UTP20: variants seen among roughly 807,000 people sequenced by gnomAD.
UTP20 encodes the protein UTP20 small subunit processome component.
UTP20 carries 164 observed loss-of-function variants against 329.5 expected under a neutral mutation model. The ratio of observed to expected loss-of-function variants is 0.50; its 90% CI spans 0.44 to 0.57. UTP20 has a LOEUF of 0.57. Ranked by LOEUF, UTP20 falls within the 20% of genes least tolerant of loss-of-function variation. The pLI is 0.00. For missense variants in UTP20, 3,055 were observed against 3,284.2 expected (o/e 0.93, Z 1.71); for synonymous variants, 1,151 against 1,159.3 (o/e 0.99, Z 0.14).
At chr12:101,308,435 A>T in intron 18 of UTP20, 92 bp downstream of exon 18, 1 of 654,866 alleles carries the variant, frequency 1.5e-6, no homozygotes. Flanking sequence ...AATAATAATA[A>T]TAATAATAAT....
chr12:101,318,251 A>G (rs1873040537), intron 22 of UTP20, among the ~76,000 whole-genome samples: 1 of 152,214 alleles, frequency 6.6e-6, no homozygotes, highest in African/African-American at 2.4e-5. Context: ...TTTAGAAGTT[A>G]CTTCAGCTTA....
At position 101,334,410 on chromosome 12, in the gene UTP20, T is replaced by C. The variant is rs1447593068; in HGVS notation, c.3562-15T>C. 15 of 1,607,792 alleles carry C rather than the reference T, an allele frequency of 9.3e-6. No homozygotes were observed. Among genetic ancestry groups the C allele is most frequent in the South Asian group, 6.6e-5 (6 of 90,448 alleles). ...TATATGTATTTGGTATTCTGTTTTTTACTTTGTCTCCTAGATCAGCAGGCT... is the reference window on the plus strand; with the variant it reads ...TATATGTATTTGGTATTCTGTTTTTCACTTTGTCTCCTAGATCAGCAGGCT... On this transcript the variant is annotated splice_polypyrimidine_tract_variant and intron_variant, in intron 28 of 61. Coordinates refer to ENST00000261637, the MANE Select transcript of UTP20 (RefSeq NM_014503.3).
At chr12:101,372,278 C>T (rs1870320590) in intron 51 of UTP20, among the ~76,000 whole-genome samples, 1 of 152,196 alleles carries the variant, frequency 6.6e-6, no homozygotes, top group Admixed American at 6.5e-5. Flanking sequence ...TTTGAAAGTG[C>T]AGCCTTTGGA....
Position 101,354,992 on chromosome 12 carries a change from G to A in UTP20, c.5268G>A (p.Glu1756=). The A allele has an allele frequency of 6.2e-7, 1 of 1,614,192 alleles. No homozygotes were observed. The highest frequency in any genetic ancestry group is 2.2e-5 in the East Asian group (1 of 44,882). The part of the protein sequence containing the change: ...DSGGTSAKES[E]CITKPVSFLP... ...GAGGAACATCAGCTAAAGAATCCGA[G>A]TGTATCACAAAGCCTGTCTCTTTCC... is the stretch of plus-strand genomic sequence containing the variant. The change falls in exon 41 of 62, where the codon GAG becomes GAA. Residue 1756 remains glutamate (E), a synonymous_variant. Coordinates refer to ENST00000261637, the MANE Select transcript of UTP20 (RefSeq NM_014503.3).
Position 101,280,153 on chromosome 12 carries a change from C to A in UTP20, c.-130C>A. ...ACATGGCGGCGCCCAGGGGCTCAAG[C>A]CGCACGTGAGAAAGTCTGGGCATCT... On this transcript the variant is annotated 5_prime_UTR_variant, in exon 1 of 62. Coordinates refer to ENST00000261637, the MANE Select transcript of UTP20 (RefSeq NM_014503.3). 3 of 1,235,946 alleles carry A rather than the reference C, an allele frequency of 2.4e-6. No individual in the cohort carries two copies. The highest frequency in any genetic ancestry group is 1.5e-5 in the South Asian group (1 of 66,738). 76.6% of individuals were successfully genotyped at this position (1,235,946 alleles called of 1,614,324 possible). A position where few individuals can be genotyped will look rare whatever the true frequency, so the allele number is the denominator to read the frequency against.
chr12:101,289,135 G>C, intron 6 of UTP20, 94 bp downstream of exon 6: 1 of 1,080,142 alleles, frequency 9.3e-7, no homozygotes, highest in Non-Finnish European at 1.4e-6. Flanking sequence ...CCAACACCTT[G>C]GGAGGCCGAG....
chr12:101,305,746 C>T (rs35933469), intron 15 of UTP20, among the ~76,000 whole-genome samples, 169 bp from the exon 16 acceptor site: 1 of 151,926 alleles, frequency 6.6e-6, no homozygotes, highest in Admixed American at 6.6e-5. Flanking sequence ...CTCATTGTTG[C>T]TGGGCCTCAG....
chr12:101,299,724 C>G lies in UTP20; in HGVS notation c.1473C>G (p.Asn491Lys). Residue 491 changes from asparagine to lysine, a missense_variant, in exon 13 of 62, where the codon AAC becomes AAG. This residue lies in a region of UTP20 where 2,445 missense variants were observed against 2,575.5 expected (regional missense o/e 0.95). Transcript: ENST00000261637. ...AGAAGACTAGATCCAAGGGAAGAAA[C>G]GAACAGTTTCCAGTATTGGACCATC... ...KQKKTRSKGR[N>K]EQFPVLDHLL... is the part of the protein sequence containing the mutation. The G allele has an allele frequency of 6.2e-7, 1 of 1,606,554 alleles. No homozygotes were observed. The highest frequency in any genetic ancestry group is 1.1e-5 in the South Asian group (1 of 88,738).
intron 32 of UTP20, among the ~76,000 whole-genome samples, 176 bp from the exon 33 acceptor site, chr12:101,342,270 T>C (rs535730414): frequency 4.6e-5 from 7 of 152,372 alleles, no homozygotes; most frequent in Admixed American, 2.0e-4. Flanking sequence ...CACATTCTTA[T>C]GGGTTTTACA....
At position 101,344,934 on chromosome 12, in the gene UTP20, CTTTTTTTTTTTTTTTTTTT is replaced by C. The variant is rs11417670; in HGVS notation, c.4605+195_4605+213del. ...CTAGAAAGGAGAGCACTTTTTTTTG[CTTTTTTTTTTTTTTTTTTT>C]TTTTTTTTTTGAGACGGAGTCTCGC... On this transcript the variant is annotated intron_variant, in intron 36 of 61. Coordinates refer to ENST00000261637, the MANE Select transcript of UTP20 (RefSeq NM_014503.3). 1.6e-4 allele frequency among the ~76,000 whole-genome samples: 10 copies of C among 61,564 alleles called. No individual in the cohort carries two copies. The East Asian group carries it at 4.6e-3, about 28-fold the overall frequency. 40.4% of individuals were successfully genotyped at this position (61,564 alleles called of 152,430 possible). A position where few individuals can be genotyped will look rare whatever the true frequency, so the allele number is the denominator to read the frequency against.
chr12:101,357,348 C>G (rs1438453372), intron 43 of UTP20, among the ~76,000 whole-genome samples: 2 of 152,066 alleles, frequency 1.3e-5, no homozygotes, highest in Non-Finnish European at 2.9e-5. Context: ...GTTTTATATT[C>G]TCTGAGTTCT....
rs201830409 is a variant in UTP20 at position 101,319,579 on chromosome 12, T to G, written c.2773T>G (p.Phe925Val). The change falls in exon 23 of 62, where the codon TTT becomes GTT. Residue 925 changes from phenylalanine (F) to valine (V), a missense_variant. Transcript: ENST00000261637. Reference protein sequence around the residue: ...LIAHLQVFSKFSNPRALYLES... With the variant: ...LIAHLQVFSKVSNPRALYLES... Reference sequence around the variant, plus strand: ...TGCTCATTTGCAAGTTTTCTCTAAATTTTCAAATCCACGGGCCTTATATCT... The same window carrying G: ...TGCTCATTTGCAAGTTTTCTCTAAAGTTTCAAATCCACGGGCCTTATATCT... 55 of 1,608,248 alleles carry G rather than the reference T, an allele frequency of 3.4e-5. No homozygotes were observed. Among genetic ancestry groups the G allele is most frequent in the Non-Finnish European group, 1.1e-5 (13 of 1,179,196 alleles).
chr12:101,370,699 G>T, intron 50 of UTP20, 136 bp downstream of exon 50: 5 of 980,522 alleles, frequency 5.1e-6, no homozygotes, highest in Non-Finnish European at 7.3e-6. Context: ...TATGATTTTG[G>T]TGGGTCAATT....
At chr12:101,370,919 T>C (rs1870263727) in intron 50 of UTP20, 139 bp from the exon 51 acceptor site, 3 of 702,092 alleles carry the variant, frequency 4.3e-6, no homozygotes, top group Admixed American at 3.0e-5. Flanking sequence ...TTCTTTGTGC[T>C]TAAGTGTCTA....
intron 2 of UTP20, among the ~76,000 whole-genome samples, chr12:101,283,288 G>C (rs1295070107): frequency 6.6e-6 from 1 of 152,218 alleles, no homozygotes; most frequent in Non-Finnish European, 1.5e-5. Context: ...GCAGTTGGCT[G>C]TGGCTTGTTG....
chr12:101,309,256 A>G (rs1306511998), intron 18 of UTP20, among the ~76,000 whole-genome samples: 1 of 152,196 alleles, frequency 6.6e-6, no homozygotes, highest in Admixed American at 6.5e-5. Flanking sequence ...TAATAATAAA[A>G]CTACCAGTCT....
At position 101,386,613 on chromosome 12, in the gene UTP20, A is replaced by C. The variant is rs1870845235; in HGVS notation, c.*490A>C. On this transcript the variant is annotated 3_prime_UTR_variant, in exon 62 of 62. Transcript: ENST00000261637. The stretch of plus-strand genomic sequence containing the variant: ...ATTTTTTAAATAAATAAAACACTAT[A>C]CTACTGCTGGGTCTTCACTGTTTAA... The C allele has an allele frequency of 6.6e-6, 1 of 152,264 alleles. No individual in the cohort carries two copies. The highest frequency in any genetic ancestry group is 2.1e-4 in the South Asian group (1 of 4,834). The allele number at this position is 152,264 out of a possible 1,614,324, so 9.4% of individuals were successfully genotyped here.
rs370722531 is a variant in UTP20, at chr12:101,281,962, G to A, written c.126+766G>A. Among the ~76,000 whole-genome samples the A allele has an allele frequency of 2.0e-3, 300 of 152,076 alleles. 1 individual carries two copies. The highest frequency in any genetic ancestry group is 6.8e-3 in the African/African-American group (283 of 41,492). On this transcript the variant is annotated intron_variant, in intron 2 of 61. Coordinates refer to ENST00000261637, the MANE Select transcript of UTP20 (RefSeq NM_014503.3). ...TCGTGATCTGCTCGCCTTGGCCTCC[G>A]AAAGTGCTGGGATTACAGGTGTGAG...
In UTP20 at chr12:101,285,769, A is replaced by G; in HGVS notation, c.214A>G (p.Ile72Val). The G allele has an allele frequency of 1.2e-6, 2 of 1,613,616 alleles. No homozygotes were observed. The highest frequency in any genetic ancestry group is 8.5e-7 in the Non-Finnish European group (1 of 1,179,840). Residue 72 changes from isoleucine to valine, a missense_variant, in exon 4 of 62, where the codon ATT becomes GTT. Ile to Val is a conservative substitution (Grantham distance 29). Coordinates refer to ENST00000261637, the MANE Select transcript of UTP20 (RefSeq NM_014503.3). ...EHFGKFYKEVIDKCQSFNQLV... is the reference protein window; with the variant it reads ...EHFGKFYKEVVDKCQSFNQLV... Reference sequence around the variant, plus strand: ...CTCAGGAAAATTTTACAAAGAAGTTATTGACAAATGCCAATCATTCAATCA... The same window carrying G: ...CTCAGGAAAATTTTACAAAGAAGTTGTTGACAAATGCCAATCATTCAATCA...
Sources: allele counts gnomAD v4.1 joint callset (sites outside exome capture counted in the v4.1 genomes callset), GRCh38; gene constraint gnomAD v4.1.1; regional missense constraint gnomAD v4.1.1; transcripts MANE v1.5; gene names NCBI Gene and HGNC (gene_info 2026-07-23, HGNC 2026-07-21).